Variants in SEPTIN9 observed in about 807,000 individuals in gnomAD.
SEPTIN9 encodes the protein septin-9.
Under a neutral mutation model 56.6 loss-of-function variants are expected in SEPTIN9, and 13 were observed. The ratio of observed to expected loss-of-function variants is 0.23; its 90% CI spans 0.15 to 0.37. SEPTIN9 has a LOEUF of 0.37. Ranked by LOEUF, SEPTIN9 falls within the 10% of genes least tolerant of loss-of-function variation. SEPTIN9 has a pLI of 1.00. For missense variants in SEPTIN9, 650 were observed against 823.1 expected, an observed-to-expected ratio of 0.79 and a Z score of 2.57; for synonymous variants, 332 against 334.1, an observed-to-expected ratio of 0.99 and a Z score of 0.07.
intron 2 of SEPTIN9, among the ~76,000 whole-genome samples, chr17:77,385,397 T>G (rs2035301062): frequency 6.6e-6 from 1 of 151,802 alleles, no homozygotes; most frequent in Non-Finnish European, 1.5e-5. Context: ...CACATATTTT[T>G]TAGTAGAGAC....
At chr17:77,384,306 T>G (rs972796173) in intron 2 of SEPTIN9, among the ~76,000 whole-genome samples, 1 of 152,148 alleles carries the variant, frequency 6.6e-6, no homozygotes. Context: ...ATTCAGGCCT[T>G]TGTCCTCAGC....
intron 2 of SEPTIN9, among the ~76,000 whole-genome samples, chr17:77,368,523 G>A (rs1256926420): frequency 1.3e-5 from 2 of 152,104 alleles, no homozygotes; most frequent in African/African-American, 4.8e-5. Context: ...TGTTGGCCAG[G>A]CTGGTCTTGA....
rs79213603 is a variant in SEPTIN9, at chr17:77,317,552, G to A, written c.76+10355G>A. On this transcript the variant is annotated intron_variant, in intron 2 of 11. Transcript: ENST00000427177. The surrounding 1 kb of genome is among the most constrained non-coding windows in gnomAD (Gnocchi z 4.2). ...ATCTGATGCCTGATGATCTGTCACC[G>A]TCTCCCATCACCACCAGATGGGACC... Among the ~76,000 whole-genome samples the A allele has an allele frequency of 2.5e-3, 374 of 152,202 alleles. 1 individual carries two copies. Among genetic ancestry groups the A allele is most frequent in the Non-Finnish European group, 3.8e-3 (256 of 68,014 alleles).
At chr17:77,479,267 A>G (rs1371648117) in intron 3 of SEPTIN9, among the ~76,000 whole-genome samples, 2 of 152,184 alleles carry the variant, frequency 1.3e-5, no homozygotes, top group African/African-American at 4.8e-5. Context: ...GATCTTTACC[A>G]TTGTTTCCAG....
chr17:77,326,828 C>T lies in SEPTIN9; in HGVS notation c.76+19631C>T, dbSNP rs1323110589. Among the ~76,000 whole-genome samples the T allele has an allele frequency of 2.0e-5, 3 of 152,086 alleles. No individual in the cohort carries two copies. The highest frequency in any genetic ancestry group is 1.9e-4 in the East Asian group (1 of 5,172). Reference sequence around the variant, plus strand: ...GGCTGAAGGTTAAGCAGATCATCAGCGGCCAATGATTGAATCAATCATGCC... The same window carrying T: ...GGCTGAAGGTTAAGCAGATCATCAGTGGCCAATGATTGAATCAATCATGCC... On this transcript the variant is annotated intron_variant, in intron 2 of 11. Transcript: ENST00000427177. This position sits in a 1 kb window ranked among gnomAD's most constrained non-coding sequence, Gnocchi z 5.1.
intron 3 of SEPTIN9, among the ~76,000 whole-genome samples, chr17:77,463,892 C>T (rs975588337): frequency 6.6e-6 from 1 of 151,890 alleles, no homozygotes; most frequent in Non-Finnish European, 1.5e-5. Context: ...AATTCTCGAT[C>T]GCTGAAAATG....
rs1598487356 is a variant in SEPTIN9, at chr17:77,499,945, G to A, written c.*1287G>A. The A allele has an allele frequency of 1.2e-5, 3 of 241,480 alleles. No homozygotes were observed. Among genetic ancestry groups the A allele is most frequent in the Admixed American group, 5.1e-5 (1 of 19,514 alleles). The allele number at this position is 241,480 out of a possible 1,614,324, so 15.0% of individuals were successfully genotyped here. On this transcript the variant is annotated 3_prime_UTR_variant, in exon 12 of 12. Transcript: ENST00000427177. ...GAAGAGCAAGGTTTCGTGGCAGCAC[G>A]GCCCGGCCCCTCACCCTCTGTCCCC...
At chr17:77,474,832 T>C (rs1484512529) in intron 3 of SEPTIN9, among the ~76,000 whole-genome samples, 1 of 152,170 alleles carries the variant, frequency 6.6e-6, no homozygotes, top group Admixed American at 6.5e-5. Flanking sequence ...TAGGATTGTG[T>C]GATGATCCAT....
chr17:77,474,439 G>T (rs947988611), intron 3 of SEPTIN9, among the ~76,000 whole-genome samples: 1 of 152,256 alleles, frequency 6.6e-6, no homozygotes, highest in Non-Finnish European at 1.5e-5. Flanking sequence ...TAGGCCTGGG[G>T]TGGCTCTAAG....
chr17:77,495,293 C>T (rs904580183), intron 10 of SEPTIN9, among the ~76,000 whole-genome samples: 1 of 152,222 alleles, frequency 6.6e-6, no homozygotes, highest in Non-Finnish European at 1.5e-5. Context: ...GGCCCACTTT[C>T]CAGCAGTCTT....
chr17:77,292,142 C>G (rs1020480139), intron 1 of SEPTIN9, among the ~76,000 whole-genome samples: 2 of 152,182 alleles, frequency 1.3e-5, no homozygotes, highest in African/African-American at 4.8e-5. Flanking sequence ...TCTTTGTTTT[C>G]TTGGGCCACC....
intron 10 of SEPTIN9, 69 bp from the exon 11 acceptor site, chr17:77,497,246 G>T: frequency 6.8e-7 from 1 of 1,475,762 alleles, no homozygotes; most frequent in Non-Finnish European, 9.4e-7. Flanking sequence ...CTGGGCAGGG[G>T]GAGAGAGGTG....
rs995574568 is a variant in SEPTIN9, at chr17:77,326,090, C to T, written c.76+18893C>T. 2.0e-5 allele frequency among the ~76,000 whole-genome samples: 3 copies of T among 152,164 alleles called. No homozygotes were observed. The highest frequency in any genetic ancestry group is 7.2e-5 in the African/African-American group (3 of 41,422). On this transcript the variant is annotated intron_variant, in intron 2 of 11. Transcript: ENST00000427177. The surrounding 1 kb of genome is among the most constrained non-coding windows in gnomAD (Gnocchi z 5.1). Reference sequence around the variant, plus strand: ...TATACAGCACCCCACACCCACCTCCCCGCCTCCTACCCCTTCTTCCAAGGG... The same window carrying T: ...TATACAGCACCCCACACCCACCTCCTCGCCTCCTACCCCTTCTTCCAAGGG...
intron 3 of SEPTIN9, among the ~76,000 whole-genome samples, chr17:77,473,104 G>C (rs1006921863): frequency 6.6e-6 from 1 of 152,222 alleles, no homozygotes; most frequent in African/African-American, 2.4e-5. Flanking sequence ...CCGCTCTGGA[G>C]TCCACTCCGC....
intron 2 of SEPTIN9, among the ~76,000 whole-genome samples, chr17:77,333,659 G>C (rs538461875): frequency 1.3e-5 from 2 of 152,312 alleles, no homozygotes; most frequent in Non-Finnish European, 2.9e-5. Context: ...TGCCTACCCT[G>C]CCAAATTGCA....
chr17:77,353,480 C>T (rs2034125217), intron 2 of SEPTIN9, among the ~76,000 whole-genome samples: 1 of 152,098 alleles, frequency 6.6e-6, no homozygotes, highest in African/African-American at 2.4e-5. Context: ...GTGAGTTCCC[C>T]ATGCCTGGAA....
intron 3 of SEPTIN9, among the ~76,000 whole-genome samples, chr17:77,409,050 G>A (rs536258191): frequency 1.3e-5 from 2 of 152,226 alleles, no homozygotes; most frequent in Admixed American, 1.3e-4. Flanking sequence ...TGCTTCTGGA[G>A]GTGTCCAGAA....
chr17:77,475,513 GC>G lies in SEPTIN9; in HGVS notation c.722-6626del, dbSNP rs2039171673. 1 of 1,610,026 alleles carries G rather than the reference GC, an allele frequency of 6.2e-7. No individual in the cohort carries two copies. The highest frequency in any genetic ancestry group is 8.5e-7 in the Non-Finnish European group (1 of 1,178,906). Reference sequence around the variant, plus strand: ...TCTGTTAGTTTATAGGACCTGAAGTGCCCCCATGGGCTCAAGTTTCTGGGAA... The same window carrying G: ...TCTGTTAGTTTATAGGACCTGAAGTGCCCCATGGGCTCAAGTTTCTGGGAA... On this transcript the variant is annotated intron_variant, in intron 3 of 11. Coordinates refer to ENST00000427177, the MANE Select transcript of SEPTIN9 (RefSeq NM_001113491.2). The surrounding 1 kb of genome is among the most constrained non-coding windows in gnomAD (Gnocchi z 4.6).
rs200530036 is a variant in SEPTIN9 at position 77,326,367 on chromosome 17, AG to A, written c.76+19174del. Among the ~76,000 whole-genome samples, 184 of 151,984 alleles carry A rather than the reference AG, an allele frequency of 1.2e-3. 3 individuals are homozygous for A. In the East Asian group the frequency reaches 0.03, roughly 25 times the overall value. On this transcript the variant is annotated intron_variant, in intron 2 of 11. Transcript: ENST00000427177. This position sits in a 1 kb window ranked among gnomAD's most constrained non-coding sequence, Gnocchi z 5.1. ...ACACAGGAAGTGACAGGTGTGACAAAGGGGACCAGTGGCAGGACAGAACCTG... is the reference window on the plus strand; with the variant it reads ...ACACAGGAAGTGACAGGTGTGACAAAGGGACCAGTGGCAGGACAGAACCTG...
Sources: allele counts gnomAD v4.1 joint callset (sites outside exome capture counted in the v4.1 genomes callset), GRCh38; gene constraint gnomAD v4.1.1; non-coding constraint Gnocchi (gnomAD v3.1); transcripts MANE v1.5; gene names NCBI Gene and HGNC (gene_info 2026-07-23, HGNC 2026-07-21).